Variants in FBXO9 observed in about 807,000 individuals in gnomAD.
FBXO9 encodes F-box protein 9.
FBXO9 carries 43 observed loss-of-function variants against 63.7 expected under a neutral mutation model. That is an observed-to-expected ratio of 0.67 (90% CI 0.53 to 0.87). FBXO9 has a LOEUF of 0.87. Ranked by LOEUF, FBXO9 falls within the 40% of genes least tolerant of loss-of-function variation. FBXO9 has a pLI of 0.00. For synonymous variants in FBXO9, 156 were observed against 171.7 expected (o/e 0.91, Z 0.72); for missense variants, 442 against 533.2 (o/e 0.83, Z 1.68).
chr6:53,078,965 G>A (rs1305003901), intron 5 of FBXO9, 67 bp downstream of exon 5: 8 of 1,119,872 alleles, frequency 7.1e-6, no homozygotes, highest in Admixed American at 1.8e-5. Flanking sequence ...TTGCCCTGTT[G>A]ACTCTTAAGA....
In FBXO9 at chr6:53,092,469, G is replaced by A; in HGVS notation, c.694G>A (p.Gly232Ser). ...GCGTCTGGCCTGCTTGAAAGTTTGG[G>A]GCAGAAGCTGTATTAAACTTGTTCC... is the stretch of plus-strand genomic sequence containing the variant. ...IWRLACLKVW[G>S]RSCIKLVPYT... The change falls in exon 8 of 13, where the codon GGC becomes AGC. Residue 232 changes from glycine (G) to serine (S), a missense_variant. This residue lies in a region of FBXO9 where 262 missense variants were observed against 362.1 expected (regional missense o/e 0.72). Coordinates refer to ENST00000323557, the MANE Select transcript of FBXO9 (RefSeq NM_033480.3). 6.2e-7 allele frequency: 1 copy of A among 1,613,904 alleles called. No individual in the cohort carries two copies. Among genetic ancestry groups the A allele is most frequent in the Non-Finnish European group, 8.5e-7 (1 of 1,179,864 alleles).
chr6:53,094,875 T>G (rs1322387758), intron 11 of FBXO9: 3 of 293,426 alleles, frequency 1.0e-5, no homozygotes, highest in Middle Eastern at 4.2e-4. Context: ...CCTTAGTTGC[T>G]CAGGTTTTAT....
At chr6:53,085,548 A>G (rs1421491200) in intron 7 of FBXO9, among the ~76,000 whole-genome samples, 2 of 152,070 alleles carry the variant, frequency 1.3e-5, no homozygotes, top group African/African-American at 4.8e-5. Context: ...CATCAGGACT[A>G]TCAGACTTTT....
intron 7 of FBXO9, among the ~76,000 whole-genome samples, chr6:53,083,393 T>G (rs1308560712): frequency 6.6e-6 from 1 of 152,216 alleles, no homozygotes; most frequent in Non-Finnish European, 1.5e-5. Flanking sequence ...CACTGTTATG[T>G]CAACCTAAAT....
At chr6:53,088,461 T>C (rs1462539632) in intron 7 of FBXO9, among the ~76,000 whole-genome samples, 1 of 152,240 alleles carries the variant, frequency 6.6e-6, no homozygotes, top group East Asian at 1.9e-4. Context: ...AAACCTGGCA[T>C]GTTTTAACAT....
Position 53,072,539 on chromosome 6 carries a change from G to C in FBXO9, c.91-942G>C, listed in dbSNP as rs967095387. Among the ~76,000 whole-genome samples the C allele has an allele frequency of 2.0e-5, 3 of 152,312 alleles. No individual in the cohort carries two copies. The East Asian group carries it at 5.8e-4, about 29-fold the overall frequency. On this transcript the variant is annotated intron_variant, in intron 2 of 12. Transcript: ENST00000323557. ...CCAAGACTTTATTAGCCGTTGATCA[G>C]TCATTGGGTGGGGATTGAGAGGACA...
intron 7 of FBXO9, among the ~76,000 whole-genome samples, chr6:53,083,221 C>T (rs1387019980): frequency 6.6e-6 from 1 of 152,140 alleles, no homozygotes; most frequent in African/African-American, 2.4e-5. Context: ...ACAACTTGTT[C>T]TTAAAATTCA....
At position 53,065,658 on chromosome 6, in the gene FBXO9, C is replaced by A; in HGVS notation, c.-132C>A. On this transcript the variant is annotated 5_prime_UTR_variant, in exon 1 of 13. Coordinates refer to ENST00000323557, the MANE Select transcript of FBXO9 (RefSeq NM_033480.3). Reference sequence around the variant, plus strand: ...GCCGCTGCCTGGTGCGCTTCTCCGACCGAGAACTCTGCTAAGCTCCGCTGC... The same window carrying A: ...GCCGCTGCCTGGTGCGCTTCTCCGAACGAGAACTCTGCTAAGCTCCGCTGC... 2 of 1,140,768 alleles carry A rather than the reference C, an allele frequency of 1.8e-6. No homozygotes were observed. Among genetic ancestry groups the A allele is most frequent in the South Asian group, 2.3e-5 (1 of 43,552 alleles). The allele number at this position is 1,140,768 out of a possible 1,614,324, so 70.7% of individuals were successfully genotyped here. A position where few individuals can be genotyped will look rare whatever the true frequency, so the allele number is the denominator to read the frequency against.
chr6:53,072,128 A>G (rs1034003066), intron 2 of FBXO9, among the ~76,000 whole-genome samples: 1 of 152,132 alleles, frequency 6.6e-6, no homozygotes, highest in Non-Finnish European at 1.5e-5. Context: ...CAGGTCAGAG[A>G]TCTATGTGTA....
At chr6:53,078,130 C>T (rs540122547) in intron 4 of FBXO9, among the ~76,000 whole-genome samples, 1 of 152,260 alleles carries the variant, frequency 6.6e-6, no homozygotes, top group South Asian at 2.1e-4. Flanking sequence ...TTTAATTTTC[C>T]TCAACTCTGT....
chr6:53,093,152 G>A, intron 9 of FBXO9: 1 of 389,388 alleles, frequency 2.6e-6, no homozygotes, highest in Non-Finnish European at 4.5e-6. Context: ...GTTGTGTGTG[G>A]CTCTCACTTT....
At chr6:53,071,580 G>C (rs1007168187) in intron 2 of FBXO9, among the ~76,000 whole-genome samples, 5 of 152,336 alleles carry the variant, frequency 3.3e-5, no homozygotes, top group Admixed American at 6.5e-5. Context: ...AAAAAGATAT[G>C]AGTGGACTGT....
chr6:53,089,917 C>T (rs556995513), intron 7 of FBXO9, among the ~76,000 whole-genome samples: 1 of 152,296 alleles, frequency 6.6e-6, no homozygotes, highest in South Asian at 2.1e-4. Context: ...TTTTCAGATC[C>T]CGCTTCTGAC....
intron 12 of FBXO9, among the ~76,000 whole-genome samples, 153 bp from the exon 13 acceptor site, chr6:53,097,566 CGAG>C (rs1396131779): frequency 2.0e-5 from 3 of 151,924 alleles, no homozygotes; most frequent in Non-Finnish European, 2.9e-5. Flanking sequence ...CTAAATTTTT[CGAG>C]TTTTCTACAA....
intron 11 of FBXO9, chr6:53,094,974 G>A (rs766305494): frequency 5.0e-5 from 9 of 180,414 alleles, no homozygotes; most frequent in Non-Finnish European, 9.6e-5. Flanking sequence ...ACATTTTTTT[G>A]TTTTTAGCAG....
intron 5 of FBXO9, among the ~76,000 whole-genome samples, chr6:53,079,710 T>C (rs1234343925): frequency 6.6e-6 from 1 of 152,136 alleles, no homozygotes; most frequent in African/African-American, 2.4e-5. Context: ...GAAAAAAGTT[T>C]TGGTAATGAA....
chr6:53,079,062 A>G (rs897117363), intron 5 of FBXO9, among the ~76,000 whole-genome samples, 164 bp downstream of exon 5: 2 of 152,184 alleles, frequency 1.3e-5, no homozygotes, highest in Non-Finnish European at 2.9e-5. Context: ...AAATTGCAAG[A>G]TAACACATAG....
chr6:53,075,628 G>T (rs1343577513), intron 3 of FBXO9, among the ~76,000 whole-genome samples: 1 of 149,066 alleles, frequency 6.7e-6, no homozygotes, highest in East Asian at 2.0e-4. Flanking sequence ...AATGGCTTGT[G>T]ATGTTGAACA....
At chr6:53,081,915 A>G (rs112246950) in intron 6 of FBXO9, among the ~76,000 whole-genome samples, 1,639 of 152,232 alleles carry the variant, frequency 0.011, 33 homozygotes, top group African/African-American at 0.036. Context: ...CTAAAAATAC[A>G]AAAATTAGCT....
Sources: allele counts gnomAD v4.1 joint callset (sites outside exome capture counted in the v4.1 genomes callset), GRCh38; gene constraint gnomAD v4.1.1; regional missense constraint gnomAD v4.1.1; transcripts MANE v1.5; gene names NCBI Gene and HGNC (gene_info 2026-07-23, HGNC 2026-07-21).